Variants in NPAS3 observed in about 807,000 individuals in gnomAD.
NPAS3 encodes neuronal PAS domain-containing protein 3.
Under a neutral mutation model 73.1 loss-of-function variants are expected in NPAS3, and 14 were observed. The ratio of observed to expected loss-of-function variants is 0.19; its 90% CI spans 0.13 to 0.30. NPAS3 has a LOEUF of 0.30. NPAS3 is among the 10% of genes least tolerant of loss of function. The pLI is 1.00. For missense variants in NPAS3, 1,096 were observed against 1,250.0 expected (o/e 0.88, Z 1.86); for synonymous variants, 620 against 541.5 (o/e 1.14, Z -2.01).
rs243298 is a variant in NPAS3 at position 33,258,107 on chromosome 14, A to C, written c.385+42681A>C. 9.5e-3 allele frequency among the ~76,000 whole-genome samples: 1,442 copies of C among 152,294 alleles called. 7 individuals are homozygous for C. Among genetic ancestry groups the C allele is most frequent in the Middle Eastern group, 0.017 (5 of 292 alleles). Reference sequence around the variant, plus strand: ...TGCTAAGGTACTTATGAAATTAAGAAAGTTAGGCTAGGTGCAGTGGCTCAC... The same window carrying C: ...TGCTAAGGTACTTATGAAATTAAGACAGTTAGGCTAGGTGCAGTGGCTCAC... On this transcript the variant is annotated intron_variant, in intron 3 of 11. Coordinates refer to ENST00000356141, the Ensembl canonical transcript of NPAS3.
intron 2 of NPAS3, among the ~76,000 whole-genome samples, chr14:33,093,013 A>G (rs200662220): frequency 0.099 from 15,039 of 152,244 alleles, 1,204 homozygotes; most frequent in African/African-American, 0.22. Flanking sequence ...AACCGTAGAA[A>G]CCCTAGAAGA....
At chr14:33,376,346 G>T (rs941479383) in intron 4 of NPAS3, among the ~76,000 whole-genome samples, 2 of 151,956 alleles carry the variant, frequency 1.3e-5, no homozygotes, top group African/African-American at 4.8e-5. Context: ...AAACTGATGG[G>T]CACATTAGGG....
rs3057435 is a variant in NPAS3, at chr14:33,077,774, G to GTTTTTTTTTTTTTTTTTTTTTTTTTT, written c.140+21795_140+21796insTTTTTTTTTTTTTTTTTTTTTTTTTT. ...CTTTGCTCAAAACATTGCAGTAAGG[G>GTTTTTTTTTTTTTTTTTTTTTTTTTT]TTTTTTTTTTTTTTTGCCCCTTTTG... On this transcript the variant is annotated intron_variant, in intron 2 of 11. Coordinates refer to ENST00000356141, the Ensembl canonical transcript of NPAS3. Among the ~76,000 whole-genome samples, 16 of 87,470 alleles carry GTTTTTTTTTTTTTTTTTTTTTTTTTT rather than the reference G, an allele frequency of 1.8e-4. 4 individuals carry two copies. The highest frequency in any genetic ancestry group is 2.9e-4 in the Admixed American group (2 of 6,890). The allele number at this position is 87,470 out of a possible 152,430, so 57.4% of individuals were successfully genotyped here. A position where few individuals can be genotyped will look rare whatever the true frequency, so the allele number is the denominator to read the frequency against.
intron 3 of NPAS3, among the ~76,000 whole-genome samples, chr14:33,339,879 A>G (rs1012161228): frequency 6.6e-6 from 1 of 151,778 alleles, no homozygotes; most frequent in African/African-American, 2.4e-5. Flanking sequence ...CTTTATGTGT[A>G]ATATATGACA....
intron 4 of NPAS3, among the ~76,000 whole-genome samples, chr14:33,376,079 T>G (rs1249328118): frequency 1.3e-5 from 2 of 152,182 alleles, no homozygotes; most frequent in African/African-American, 4.8e-5. Flanking sequence ...CAAGAATGCA[T>G]GTTTTACCAA....
intron 1 of NPAS3, among the ~76,000 whole-genome samples, chr14:32,944,969 C>A (rs752659112): frequency 2.6e-5 from 4 of 152,168 alleles, no homozygotes; most frequent in Non-Finnish European, 5.9e-5. Flanking sequence ...CATTCAGCTT[C>A]ATTTATTGAA....
Position 33,126,762 on chromosome 14 carries a change from T to C in NPAS3, c.140+70768T>C, listed in dbSNP as rs557717845. On this transcript the variant is annotated intron_variant, in intron 2 of 11. Transcript: ENST00000356141. ...GTCACTTAATATTGTAACAAGCATG[T>C]ACAGAACACCTCCTGCAAGCCAGAC... 4.6e-5 allele frequency among the ~76,000 whole-genome samples: 7 copies of C among 152,202 alleles called. No homozygotes were observed. The East Asian group carries it at 9.7e-4, about 21-fold the overall frequency.
rs867080226 is a variant in NPAS3 at position 33,754,016 on chromosome 14, A to T, written c.852+18684A>T. On this transcript the variant is annotated intron_variant, in intron 7 of 11. Coordinates refer to ENST00000356141, the Ensembl canonical transcript of NPAS3. ...TAAAGAGGAAAATCAGTTTCCCTAGAGTGGTTGATGCCTGAGCCTATTAAG... is the reference window on the plus strand; with the variant it reads ...TAAAGAGGAAAATCAGTTTCCCTAGTGTGGTTGATGCCTGAGCCTATTAAG... 9.2e-5 allele frequency among the ~76,000 whole-genome samples: 14 copies of T among 152,132 alleles called. 1 individual carries two copies. The highest frequency in any genetic ancestry group is 3.4e-4 in the African/African-American group (14 of 41,418).
chr14:33,335,635 A>T (rs1342898221), intron 3 of NPAS3, among the ~76,000 whole-genome samples: 1 of 152,174 alleles, frequency 6.6e-6, no homozygotes, highest in Non-Finnish European at 1.5e-5. Context: ...TCATACTGCT[A>T]AGTGACACAT....
At chr14:33,250,750 CTTTGGTG>C (rs1402704979) in intron 3 of NPAS3, among the ~76,000 whole-genome samples, 1 of 151,824 alleles carries the variant, frequency 6.6e-6, no homozygotes, top group Non-Finnish European at 1.5e-5. Context: ...ATTTTTCAGC[CTTTGGTG>C]TTTGAAGTAT....
At chr14:33,720,161 G>C (rs17101770) in intron 6 of NPAS3, among the ~76,000 whole-genome samples, 1 of 152,068 alleles carries the variant, frequency 6.6e-6, no homozygotes, top group Non-Finnish European at 1.5e-5. Context: ...TTCTTCTCTA[G>C]AGCCTCCCAG....
chr14:33,777,669 C>CTCTGT (rs1354206463), intron 8 of NPAS3, among the ~76,000 whole-genome samples: 2 of 152,120 alleles, frequency 1.3e-5, no homozygotes, highest in East Asian at 3.8e-4. Context: ...GGGTAACAAG[C>CTCTGT]ATTTTGACAT....
chr14:33,067,478 C>T (rs1307343850), intron 2 of NPAS3, among the ~76,000 whole-genome samples: 1 of 152,224 alleles, frequency 6.6e-6, no homozygotes, highest in Non-Finnish European at 1.5e-5. Flanking sequence ...CTTAAGCCCT[C>T]TTTCCAAACT....
chr14:33,153,468 C>T (rs1291478926), intron 2 of NPAS3, among the ~76,000 whole-genome samples: 1 of 152,080 alleles, frequency 6.6e-6, no homozygotes, highest in Non-Finnish European at 1.5e-5. Context: ...TGGAGAGCTT[C>T]AGGTGTTCTG....
At chr14:33,778,036 C>A (rs1181656207) in intron 8 of NPAS3, among the ~76,000 whole-genome samples, 3 of 152,158 alleles carry the variant, frequency 2.0e-5, no homozygotes. Flanking sequence ...CATGGAAATA[C>A]CCAATAGAAG....
chr14:33,576,725 G>T (rs2056448693), intron 5 of NPAS3, among the ~76,000 whole-genome samples: 1 of 152,176 alleles, frequency 6.6e-6, no homozygotes, highest in African/African-American at 2.4e-5. Context: ...CTTTAAAAAT[G>T]CCCTCTTCTG....
chr14:33,179,189 T>A (rs1460226487), intron 2 of NPAS3, among the ~76,000 whole-genome samples: 1 of 152,136 alleles, frequency 6.6e-6, no homozygotes, highest in African/African-American at 2.4e-5. Flanking sequence ...ATGTTGGAGT[T>A]GGTTTGCTAG....
rs542590610 is a variant in NPAS3, at chr14:33,061,725, C to G, written c.140+5731C>G. ...CAGGTGCTTTTCTACACGAACTGTT[C>G]TACACTAACTGACTTATTCAGAGGT... On this transcript the variant is annotated intron_variant, in intron 2 of 11. Transcript: ENST00000356141. Among the ~76,000 whole-genome samples the G allele has an allele frequency of 4.6e-5, 7 of 152,264 alleles. No homozygotes were observed. The East Asian group carries it at 1.4e-3, about 29-fold the overall frequency.
intron 4 of NPAS3, among the ~76,000 whole-genome samples, chr14:33,444,365 A>G (rs1009282054): frequency 1.8e-4 from 28 of 152,184 alleles, no homozygotes; most frequent in African/African-American, 2.4e-5. Flanking sequence ...CAGTGACGGG[A>G]TGACATGGGG....
Sources: gnomAD v4.1 joint callset for allele counts (sites outside exome capture counted in the v4.1 genomes callset) on GRCh38, gnomAD v4.1.1 for gene constraint, MANE v1.5 for transcripts, NCBI Gene and HGNC (gene_info 2026-07-23, HGNC 2026-07-21) for gene names.